PSME4: variants seen among roughly 807,000 people sequenced by gnomAD.
The protein encoded by PSME4 is proteasome activator subunit 4.
Under a neutral mutation model 253.9 loss-of-function variants are expected in PSME4, and 89 were observed. That is an observed-to-expected ratio of 0.35 (90% confidence interval 0.30 to 0.42). PSME4 has a LOEUF of 0.42. PSME4 is among the 10% of genes least tolerant of loss of function. PSME4 has a pLI of 1.00. For missense variants in PSME4, 2,014 were observed against 2,195.2 expected (o/e 0.92, Z 1.65); for synonymous variants, 851 against 759.2 (o/e 1.12, Z -1.99).
intron 17 of PSME4, among the ~76,000 whole-genome samples, chr2:53,921,851 G>C (rs1471709521): frequency 7.8e-6 from 1 of 127,850 alleles, no homozygotes; most frequent in Non-Finnish European, 1.6e-5. Context: ...CTGGGCGACA[G>C]AGCGAGACTC....
At chr2:53,876,393 C>T (rs1679120905) in intron 41 of PSME4, among the ~76,000 whole-genome samples, 1 of 152,124 alleles carries the variant, frequency 6.6e-6, no homozygotes, top group Non-Finnish European at 1.5e-5. Flanking sequence ...TCCTTGGCCC[C>T]AGTAAGTCTT....
At chr2:53,870,274 G>A (rs1678805927) in intron 43 of PSME4, 1 of 151,858 alleles carries the variant, frequency 6.6e-6, no homozygotes, top group Non-Finnish European at 1.5e-5. Context: ...CATGTTCTTT[G>A]CTGCGTTCAT....
At chr2:53,957,003 C>G (rs1357474038) in intron 1 of PSME4, among the ~76,000 whole-genome samples, 1 of 152,024 alleles carries the variant, frequency 6.6e-6, no homozygotes, top group African/African-American at 2.4e-5. Flanking sequence ...TGAAAAATAT[C>G]AAAACAAAAC....
rs777208929 is a variant in PSME4, at chr2:53,920,302, C to A, written c.2311G>T (p.Val771Phe). 1 of 1,613,766 alleles carries A rather than the reference C, an allele frequency of 6.2e-7. No individual in the cohort carries two copies. Among genetic ancestry groups the A allele is most frequent in the Non-Finnish European group, 8.5e-7 (1 of 1,179,794 alleles). ...DLWNLGIQWH[V>F]PSSEEVSFAF... ...AAAGACACTTCTTCTGAAGAAGGAA[C>A]ATGCCACTGGATTCCCAGATTCCAC... Residue 771 changes from valine to phenylalanine, a missense_variant, in exon 19 of 47, where the codon GTT becomes TTT. Val to Phe is a conservative substitution (Grantham distance 50). Coordinates refer to ENST00000404125, the MANE Select transcript of PSME4 (RefSeq NM_014614.3).
intron 3 of PSME4, among the ~76,000 whole-genome samples, chr2:53,940,250 A>G (rs369870938): frequency 6.6e-6 from 1 of 152,186 alleles, no homozygotes; most frequent in East Asian, 1.9e-4. Flanking sequence ...TTACACTGGG[A>G]AAAGAACAAA....
chr2:53,900,399 C>CA (rs1553409464), intron 28 of PSME4, among the ~76,000 whole-genome samples: 2,875 of 128,146 alleles, frequency 0.022, 29 homozygotes, highest in Non-Finnish European at 0.028. Flanking sequence ...GTCTCTCTCT[C>CA]AAAAAAAAAA....
At chr2:53,928,012 A>G (rs542017076) in intron 11 of PSME4, 105 bp downstream of exon 11, 14 of 708,262 alleles carry the variant, frequency 2.0e-5, no homozygotes, top group Non-Finnish European at 4.5e-6. Context: ...ATTTATTTTC[A>G]TATTTATATT....
chr2:53,899,817 C>A (rs971220770), intron 29 of PSME4, 64 bp downstream of exon 29: 3 of 1,562,420 alleles, frequency 1.9e-6, no homozygotes, highest in South Asian at 2.4e-5. Flanking sequence ...GACTCTGTCT[C>A]AAAAAAAAGC....
chr2:53,935,987 G>A (rs904304152), intron 7 of PSME4, 100 bp downstream of exon 7: 2 of 1,453,912 alleles, frequency 1.4e-6, no homozygotes, highest in Admixed American at 2.4e-5. Flanking sequence ...TCAGCCTCCT[G>A]GGTTCAAGAG....
intron 34 of PSME4, among the ~76,000 whole-genome samples, chr2:53,894,479 T>C (rs185435224): frequency 1.1e-4 from 17 of 149,386 alleles, no homozygotes; most frequent in African/African-American, 4.4e-4. Flanking sequence ...GCCATGTTGC[T>C]CAGGATGGTC....
intron 1 of PSME4, among the ~76,000 whole-genome samples, chr2:53,964,990 A>C (rs1459219511): frequency 6.6e-6 from 1 of 152,178 alleles, no homozygotes. Context: ...TAATCATAAA[A>C]CAATACAAAA....
intron 33 of PSME4, 87 bp downstream of exon 33, chr2:53,895,496 T>G: frequency 4.6e-6 from 6 of 1,299,274 alleles, no homozygotes; most frequent in Non-Finnish European, 6.3e-6. Flanking sequence ...AACCTTCAAG[T>G]GCCTCTGAAC....
At chr2:53,888,679 AACCTTTCG>A in intron 38 of PSME4, 34 bp downstream of exon 38, 1 of 1,386,792 alleles carries the variant, frequency 7.2e-7, no homozygotes, top group Non-Finnish European at 1.0e-6. Flanking sequence ...GTTAACACAA[AACCTTTCG>A]TGTTAACCTC....
intron 1 of PSME4, among the ~76,000 whole-genome samples, chr2:53,949,566 G>A (rs576566806): frequency 1.3e-4 from 20 of 151,916 alleles, no homozygotes; most frequent in Non-Finnish European, 4.4e-5. Flanking sequence ...CCAGTGATGA[G>A]GATGATTCAG....
At chr2:53,905,268 C>T (rs556187836) in intron 26 of PSME4, among the ~76,000 whole-genome samples, 1 of 151,972 alleles carries the variant, frequency 6.6e-6, no homozygotes. Flanking sequence ...TCAAGTGATC[C>T]ACCTGCCTTG....
rs1671020507 is a variant in PSME4, at chr2:53,970,545, G to A, written c.240C>T (p.Ser80=). 3 of 1,548,102 alleles carry A rather than the reference G, an allele frequency of 1.9e-6. No individual in the cohort carries two copies. The highest frequency in any genetic ancestry group is 2.4e-5 in the East Asian group (1 of 40,856). Residue 80 remains serine (S), a splice_region_variant and synonymous_variant, in exon 1 of 47, where the codon TCC becomes TCT. Transcript: ENST00000404125. The part of the protein sequence containing the change: ...PGGLFWTRKL[S]TYIRLYGRKF... ...CCCGCAGGCCCGGGCACACTTACGT[G>A]GAGAGTTTCCTGGTCCAGAAGAGGC... is the stretch of plus-strand genomic sequence containing the variant.
At chr2:53,931,129 T>C (rs1317172958) in intron 10 of PSME4, among the ~76,000 whole-genome samples, 1 of 152,024 alleles carries the variant, frequency 6.6e-6, no homozygotes, top group Non-Finnish European at 1.5e-5. Context: ...AATACAAAAA[T>C]TAGCTGGGTG....
intron 14 of PSME4, among the ~76,000 whole-genome samples, chr2:53,925,212 GTTGT>G (rs1386503281): frequency 2.0e-5 from 3 of 152,216 alleles, no homozygotes; most frequent in Non-Finnish European, 4.4e-5. Context: ...AAAGGGGACA[GTTGT>G]TTAAGTGGAG....
At chr2:53,943,244 G>C (rs544241160) in intron 3 of PSME4, among the ~76,000 whole-genome samples, 1 of 152,188 alleles carries the variant, frequency 6.6e-6, no homozygotes, top group Non-Finnish European at 1.5e-5. Flanking sequence ...TTTCATAAAT[G>C]AACTGGTTTT....
Sources: allele counts gnomAD v4.1 joint callset (sites outside exome capture counted in the v4.1 genomes callset), GRCh38; gene constraint gnomAD v4.1.1; transcripts MANE v1.5; gene names NCBI Gene and HGNC (gene_info 2026-07-23, HGNC 2026-07-21).